EFNA5: variants seen among roughly 807,000 people sequenced by gnomAD.
EFNA5 encodes ephrin A5, also known as ephrin-A5.
A neutral mutation model predicts 22.9 loss-of-function variants in EFNA5; 5 were observed. The ratio of observed to expected loss-of-function variants is 0.22; its 90% CI spans 0.11 to 0.46. The LOEUF (loss-of-function observed/expected upper bound fraction) is 0.46. Among genes scored for constraint, EFNA5 ranks in the 20% least tolerant of loss-of-function variants. The pLI, the probability that EFNA5 is intolerant of heterozygous loss-of-function variation, is 0.99. For synonymous variants in EFNA5, 113 were observed against 112.2 expected (o/e 1.01, Z -0.04); for missense variants, 237 against 293.3 (o/e 0.81, Z 1.40).
At chr5:107,450,875 T>G (rs1254907867) in intron 1 of EFNA5, among the ~76,000 whole-genome samples, 2 of 152,264 alleles carry the variant, frequency 1.3e-5, no homozygotes, top group Non-Finnish European at 2.9e-5. Context: ...TTATCCCATT[T>G]CTTAAGAGAA....
intron 1 of EFNA5, among the ~76,000 whole-genome samples, chr5:107,478,782 T>G (rs548211559): frequency 6.6e-6 from 1 of 152,272 alleles, no homozygotes; most frequent in African/African-American, 2.4e-5. Context: ...GTAAAATGAT[T>G]ATTTTCATGC....
intron 2 of EFNA5, among the ~76,000 whole-genome samples, chr5:107,425,486 A>G (rs1024213532): frequency 6.6e-6 from 1 of 152,176 alleles, no homozygotes; most frequent in Non-Finnish European, 1.5e-5. Context: ...TTTTTCTCAT[A>G]TGCTGAATGA....
chr5:107,548,607 C>T (rs530104323), intron 1 of EFNA5, among the ~76,000 whole-genome samples: 1 of 152,264 alleles, frequency 6.6e-6, no homozygotes, highest in East Asian at 1.9e-4. Context: ...ACATAAATAA[C>T]ACAGCACTGA....
intron 1 of EFNA5, among the ~76,000 whole-genome samples, chr5:107,502,989 T>C (rs926447145): frequency 2.6e-5 from 4 of 152,068 alleles, no homozygotes; most frequent in Non-Finnish European, 5.9e-5. Context: ...CCAAAACAAA[T>C]AGAATTACAG....
intron 1 of EFNA5, among the ~76,000 whole-genome samples, chr5:107,529,925 G>A (rs1260093075): frequency 1.3e-5 from 2 of 152,150 alleles, no homozygotes; most frequent in Admixed American, 6.5e-5. Flanking sequence ...GAGGTTTCAG[G>A]TATTATCTAT....
At chr5:107,489,098 G>T (rs1355639880) in intron 1 of EFNA5, among the ~76,000 whole-genome samples, 1 of 152,068 alleles carries the variant, frequency 6.6e-6, no homozygotes, top group Non-Finnish European at 1.5e-5. Context: ...TATATAATAG[G>T]TTATCAATAA....
intron 1 of EFNA5, among the ~76,000 whole-genome samples, chr5:107,649,910 G>C (rs35838063): frequency 0.086 from 13,066 of 152,142 alleles, 732 homozygotes; most frequent in Middle Eastern, 0.15. Context: ...TAAGTAACTT[G>C]TCTAGGACCA....
intron 1 of EFNA5, among the ~76,000 whole-genome samples, chr5:107,543,294 A>C (rs1748083837): frequency 6.6e-6 from 1 of 152,240 alleles, no homozygotes; most frequent in African/African-American, 2.4e-5. Context: ...CAACCACAAA[A>C]GATTTTCAAA....
intron 1 of EFNA5, among the ~76,000 whole-genome samples, chr5:107,498,509 GA>G (rs1342771839): frequency 1.3e-5 from 2 of 152,168 alleles, no homozygotes; most frequent in East Asian, 3.9e-4. Context: ...TAGTCTATCA[GA>G]ATTCTGTATT....
intron 1 of EFNA5, among the ~76,000 whole-genome samples, chr5:107,661,081 C>T (rs1435562210): frequency 4.0e-5 from 6 of 149,444 alleles, no homozygotes; most frequent in Non-Finnish European, 8.9e-5. Flanking sequence ...AAAGAAAAGG[C>T]CTTTAACAAA....
At chr5:107,473,262 A>ATT (rs35926074) in intron 1 of EFNA5, among the ~76,000 whole-genome samples, 6 of 135,182 alleles carry the variant, frequency 4.4e-5, no homozygotes, top group East Asian at 4.3e-4. Flanking sequence ...TCCAGGTCTG[A>ATT]TTTTTTTTTT....
chr5:107,560,414 T>C (rs957860333), intron 1 of EFNA5, among the ~76,000 whole-genome samples: 2 of 152,336 alleles, frequency 1.3e-5, no homozygotes, highest in South Asian at 4.1e-4. Context: ...AGGTATTATG[T>C]AGTCTCAACC....
chr5:107,495,765 C>T (rs1398675887), intron 1 of EFNA5, among the ~76,000 whole-genome samples: 2 of 152,116 alleles, frequency 1.3e-5, no homozygotes, highest in East Asian at 1.9e-4. Flanking sequence ...CAAGCATCCC[C>T]GGAAGTCAGG....
intron 1 of EFNA5, among the ~76,000 whole-genome samples, chr5:107,572,562 C>T (rs960981422): frequency 6.6e-6 from 1 of 152,172 alleles, no homozygotes; most frequent in Admixed American, 6.5e-5. Context: ...AAAATCTGGA[C>T]TAACTGCCCT....
At chr5:107,591,144 G>C (rs1177857040) in intron 1 of EFNA5, among the ~76,000 whole-genome samples, 2 of 152,164 alleles carry the variant, frequency 1.3e-5, no homozygotes, top group Non-Finnish European at 2.9e-5. Context: ...AGGCAGGGGA[G>C]CTACAAAGAT....
At chr5:107,631,646 CATAA>C (rs986914780) in intron 1 of EFNA5, among the ~76,000 whole-genome samples, 2 of 151,840 alleles carry the variant, frequency 1.3e-5, no homozygotes, top group African/African-American at 2.4e-5. Context: ...CTACAAAAAA[CATAA>C]ATATTTATAC....
At chr5:107,511,904 G>C (rs17534235) in intron 1 of EFNA5, among the ~76,000 whole-genome samples, 22,482 of 152,090 alleles carry the variant, frequency 0.15, 1,871 homozygotes, top group Middle Eastern at 0.21. Context: ...TACTCACAAT[G>C]CATTCCCCCA....
intron 1 of EFNA5, among the ~76,000 whole-genome samples, chr5:107,603,740 C>G (rs1749653928): frequency 1.3e-5 from 2 of 152,326 alleles, no homozygotes; most frequent in African/African-American, 4.8e-5. Flanking sequence ...TCCTGACACT[C>G]TAACCGTGAG....
At chr5:107,610,109 A>G (rs1201849313) in intron 1 of EFNA5, among the ~76,000 whole-genome samples, 2 of 152,188 alleles carry the variant, frequency 1.3e-5, no homozygotes. Flanking sequence ...TCCTTAAAAT[A>G]GTCAGATAGC....
Sources: allele counts gnomAD v4.1 joint callset (sites outside exome capture counted in the v4.1 genomes callset), GRCh38; gene constraint gnomAD v4.1.1; transcripts MANE v1.5; gene names NCBI Gene and HGNC (gene_info 2026-07-23, HGNC 2026-07-21).